Variants in PIGL observed in about 807,000 individuals in gnomAD.
PIGL encodes the protein N-acetylglucosaminyl-phosphatidylinositol de-N-acetylase.
In PIGL, 22 loss-of-function variants were observed where a neutral mutation model predicts 31.1. That is an observed-to-expected ratio of 0.71 (90% CI 0.51 to 1.01). The LOEUF (loss-of-function observed/expected upper bound fraction) is 1.01, where lower values mean the gene tolerates loss of function less well. Among genes scored for constraint, PIGL ranks in the 50% least tolerant of loss-of-function variants. PIGL has a pLI of 0.00. For synonymous variants in PIGL, 131 were observed against 117.4 expected (o/e 1.12, Z -0.75); for missense variants, 302 against 315.9 (o/e 0.96, Z 0.33).
At chr17:16,304,514 T>A (rs1175546369) in intron 3 of PIGL, among the ~76,000 whole-genome samples, 1 of 152,108 alleles carries the variant, frequency 6.6e-6, no homozygotes, top group Non-Finnish European at 1.5e-5. Context: ...TCCTAGCACT[T>A]TGGGAGGCTG....
chr17:16,229,233 G>A (rs2092667413), intron 1 of PIGL, among the ~76,000 whole-genome samples: 1 of 152,044 alleles, frequency 6.6e-6, no homozygotes, highest in African/African-American at 2.4e-5. Flanking sequence ...GCTCTGATCA[G>A]TCTGCTGCAT....
intron 1 of PIGL, among the ~76,000 whole-genome samples, chr17:16,231,338 G>T (rs573756168): frequency 6.6e-6 from 1 of 150,468 alleles, no homozygotes; most frequent in African/African-American, 2.4e-5. Context: ...AGGCTCAAGC[G>T]TTCCTCCCAC....
At chr17:16,232,106 C>T (rs1444655694) in intron 1 of PIGL, among the ~76,000 whole-genome samples, 4 of 151,894 alleles carry the variant, frequency 2.6e-5, no homozygotes, top group African/African-American at 9.7e-5. Flanking sequence ...AATGAAATCC[C>T]GTCTCTACTA....
chr17:16,306,251 G>A (rs1031272612), intron 3 of PIGL, among the ~76,000 whole-genome samples: 9 of 151,598 alleles, frequency 5.9e-5, no homozygotes, highest in Admixed American at 1.3e-4. Context: ...GCCCAGCCTC[G>A]CTGTACAGTT....
intron 1 of PIGL, among the ~76,000 whole-genome samples, chr17:16,229,856 T>G (rs916594775): frequency 8.9e-6 from 1 of 112,934 alleles, no homozygotes; most frequent in African/African-American, 3.6e-5. Context: ...TTTAAAGTCA[T>G]GATTTTTTTT....
At chr17:16,226,582 A>G (rs1250578985) in intron 1 of PIGL, among the ~76,000 whole-genome samples, 1 of 152,244 alleles carries the variant, frequency 6.6e-6, no homozygotes, top group African/African-American at 2.4e-5. Context: ...GACTAGAAAT[A>G]TTGCTGTAGC....
intron 1 of PIGL, among the ~76,000 whole-genome samples, chr17:16,231,072 T>TTC (rs1173249470): frequency 7.7e-6 from 1 of 129,034 alleles, no homozygotes; most frequent in Non-Finnish European, 1.6e-5. Context: ...TTTTTCTTTT[T>TTC]TTTTTTTTTT....
chr17:16,306,198 C>T (rs1172231279), intron 3 of PIGL, among the ~76,000 whole-genome samples: 4 of 152,160 alleles, frequency 2.6e-5, no homozygotes, highest in Admixed American at 2.6e-4. Flanking sequence ...ATCCACCCAC[C>T]TTGGCCTCCC....
intron 2 of PIGL, among the ~76,000 whole-genome samples, chr17:16,263,494 G>T (rs112677292): frequency 0.049 from 7,386 of 149,962 alleles, 612 homozygotes; most frequent in African/African-American, 0.17. Context: ...TGTTTTATTG[G>T]TTTTTTTTTG....
intron 3 of PIGL, 50 bp from the exon 4 acceptor site, chr17:16,313,497 G>A (rs763910501): frequency 1.5e-6 from 2 of 1,309,196 alleles, no homozygotes; most frequent in Non-Finnish European, 1.1e-6. Flanking sequence ...CTCCATTGAA[G>A]TTGAGGTGGT....
chr17:16,318,097 T>C (rs2093086319), intron 6 of PIGL, among the ~76,000 whole-genome samples, 189 bp downstream of exon 6: 1 of 152,196 alleles, frequency 6.6e-6, no homozygotes, highest in Non-Finnish European at 1.5e-5. Flanking sequence ...TTTAGCCTTT[T>C]TTTTCTAATT....
chr17:16,305,511 A>C (rs1376108202), intron 3 of PIGL, among the ~76,000 whole-genome samples: 1 of 152,216 alleles, frequency 6.6e-6, no homozygotes, highest in East Asian at 1.9e-4. Context: ...GTCATGTACA[A>C]ATCTGCAAAG....
At chr17:16,316,888 G>A in intron 5 of PIGL, 176 bp downstream of exon 5, 1 of 1,384,964 alleles carries the variant, frequency 7.2e-7, no homozygotes, top group Non-Finnish European at 9.5e-7. Flanking sequence ...GTATCTACCA[G>A]CAAGTGCCTG....
intron 2 of PIGL, among the ~76,000 whole-genome samples, chr17:16,297,912 A>C (rs2092989339): frequency 6.6e-6 from 1 of 152,184 alleles, no homozygotes; most frequent in African/African-American, 2.4e-5. Flanking sequence ...GCACAGCAGG[A>C]GGTGAGTGAC....
intron 6 of PIGL, chr17:16,324,302 A>G (rs2093118211): frequency 6.6e-6 from 1 of 150,900 alleles, no homozygotes; most frequent in Admixed American, 6.6e-5. Context: ...CTCTTTTGTA[A>G]TGGTTTTCCC....
chr17:16,282,242 T>A (rs2092919421), intron 2 of PIGL, among the ~76,000 whole-genome samples: 1 of 152,160 alleles, frequency 6.6e-6, no homozygotes, highest in South Asian at 2.1e-4. Context: ...TGGCTGGGCA[T>A]CCCTTGGCTT....
chr17:16,246,149 C>T (rs1038667985), intron 2 of PIGL, among the ~76,000 whole-genome samples: 2 of 151,478 alleles, frequency 1.3e-5, no homozygotes, highest in African/African-American at 4.8e-5. Flanking sequence ...TTATATATCA[C>T]ATGAAGACCA....
At chr17:16,259,728 G>A (rs2092811502) in intron 2 of PIGL, among the ~76,000 whole-genome samples, 2 of 152,156 alleles carry the variant, frequency 1.3e-5, no homozygotes, top group Non-Finnish European at 2.9e-5. Context: ...CACCAGCATT[G>A]AGGGGACTGG....
At chr17:16,308,838 G>GGCT (rs2093036948) in intron 3 of PIGL, among the ~76,000 whole-genome samples, 1 of 132,822 alleles carries the variant, frequency 7.5e-6, no homozygotes, top group Non-Finnish European at 1.5e-5. Context: ...CTGTTGCCCA[G>GGCT]GCTGGAATGG....
Sources: allele counts gnomAD v4.1 joint callset (sites outside exome capture counted in the v4.1 genomes callset), GRCh38; gene constraint gnomAD v4.1.1; transcripts MANE v1.5; gene names NCBI Gene and HGNC (gene_info 2026-07-23, HGNC 2026-07-21).